The following MYLK4 variants were observed in gnomAD, a reference collection of about 807,000 sequenced individuals.
The protein encoded by MYLK4 is myosin light chain kinase family member 4, also known as caMLCK like.
A neutral mutation model predicts 48.1 loss-of-function variants in MYLK4; 46 were observed. The observed-to-expected ratio is 0.96, with a 90% CI of 0.75 to 1.22. The LOEUF (loss-of-function observed/expected upper bound fraction) is 1.22. Ranked by LOEUF, MYLK4 falls within the 50% of genes most tolerant of loss-of-function variation. The pLI, the probability that MYLK4 is intolerant of heterozygous loss-of-function variation, is 0.00. For missense variants in MYLK4, 451 were observed against 486.1 expected (o/e 0.93, Z 0.68); for synonymous variants, 170 against 180.8 (o/e 0.94, Z 0.48).
intron 7 of MYLK4, chr6:2,680,558 G>A (rs1761257359): frequency 1.0e-6 from 1 of 985,276 alleles, no homozygotes; most frequent in Non-Finnish European, 1.2e-6. Flanking sequence ...AGGCCTTGAG[G>A]GGAGCAAGAA....
the MYLK4 span, chr6:2,765,517 C>G: frequency 7.8e-7 from 1 of 1,281,638 alleles, no homozygotes; most frequent in Non-Finnish European, 9.9e-7. Flanking sequence ...GCTGGTTCCC[C>G]GAGCGAGGGT....
intron 2 of MYLK4, among the ~76,000 whole-genome samples, chr6:2,725,939 G>A (rs1436912904): frequency 1.3e-5 from 2 of 152,140 alleles, no homozygotes; most frequent in South Asian, 2.1e-4. Context: ...TTCATAAGGC[G>A]CTCTAGCACG....
intron 2 of MYLK4, among the ~76,000 whole-genome samples, chr6:2,712,102 A>G (rs1039741173): frequency 2.0e-5 from 3 of 152,198 alleles, no homozygotes; most frequent in Non-Finnish European, 4.4e-5. Flanking sequence ...AAAAAGCACC[A>G]CCATGTTTCC....
chr6:2,746,690 CAA>C (rs1438555250), intron 2 of MYLK4, among the ~76,000 whole-genome samples: 1 of 152,100 alleles, frequency 6.6e-6, no homozygotes, highest in Non-Finnish European at 1.5e-5. Flanking sequence ...CTAATCCCCT[CAA>C]AGAGAGAAGG....
intron 2 of MYLK4, among the ~76,000 whole-genome samples, chr6:2,703,181 G>A (rs2113220699): frequency 6.6e-6 from 1 of 152,260 alleles, no homozygotes; most frequent in Non-Finnish European, 1.5e-5. Flanking sequence ...GTCCAATGCA[G>A]TACACCTTGA....
chr6:2,722,512 A>AGT (rs369339405), intron 2 of MYLK4, among the ~76,000 whole-genome samples: 24,937 of 139,310 alleles, frequency 0.18, 1,947 homozygotes, highest in Admixed American at 0.2. Context: ...ACATAAAAGG[A>AGT]GTGTGTGTGT....
At chr6:2,697,376 G>A (rs7760687) in intron 2 of MYLK4, among the ~76,000 whole-genome samples, 4,204 of 152,268 alleles carry the variant, frequency 0.028, 175 homozygotes, top group African/African-American at 0.095. Context: ...CATCGCTTGC[G>A]TGCCAGTTTT....
At chr6:2,767,281 A>G in the MYLK4 span, among the ~76,000 whole-genome samples, 1 of 152,266 alleles carries the variant, frequency 6.6e-6, no homozygotes, top group Non-Finnish European at 1.5e-5. Context: ...GTGCTTAAAT[A>G]CAGGATGCTT....
upstream of MYLK4, among the ~76,000 whole-genome samples, chr6:2,754,880 T>G (rs1227546005): frequency 6.6e-6 from 1 of 152,208 alleles, no homozygotes. Flanking sequence ...TCTCACGCTT[T>G]TCTTCTCCTG....
At chr6:2,706,834 G>A (rs969888547) in intron 2 of MYLK4, among the ~76,000 whole-genome samples, 5 of 152,184 alleles carry the variant, frequency 3.3e-5, no homozygotes, top group Admixed American at 2.0e-4. Flanking sequence ...TGCCTACGAC[G>A]AGGTGACAGC....
At chr6:2,711,698 C>A (rs1237535721) in intron 2 of MYLK4, among the ~76,000 whole-genome samples, 2 of 152,084 alleles carry the variant, frequency 1.3e-5, no homozygotes, top group Non-Finnish European at 2.9e-5. Context: ...CTAAGAAGTG[C>A]AAAGATGTTT....
upstream of MYLK4, among the ~76,000 whole-genome samples, chr6:2,753,723 A>C (rs569310605): frequency 2.0e-5 from 3 of 152,356 alleles, no homozygotes; most frequent in South Asian, 6.2e-4. Context: ...AAAGATTAAA[A>C]CAGACCTCAC....
chr6:2,723,491 CA>C (rs1377288937), intron 2 of MYLK4, among the ~76,000 whole-genome samples: 1 of 152,196 alleles, frequency 6.6e-6, no homozygotes, highest in African/African-American at 2.4e-5. Context: ...AAAGATCTCT[CA>C]AAAAAACTGC....
chr6:2,767,975 C>G, the MYLK4 span, among the ~76,000 whole-genome samples: 22 of 152,316 alleles, frequency 1.4e-4, no homozygotes, highest in African/African-American at 5.3e-4. Flanking sequence ...AGATTTGTCA[C>G]AGTCATTAAA....
At chr6:2,704,336 C>G (rs17278136) in intron 2 of MYLK4, among the ~76,000 whole-genome samples, 28,397 of 152,188 alleles carry the variant, frequency 0.19, 2,823 homozygotes, top group African/African-American at 0.24. Flanking sequence ...GTCCCACGTC[C>G]ATGCAGCGCA....
chr6:2,749,002 A>G (rs111832556), intron 2 of MYLK4, 134 bp downstream of exon 2: 256 of 772,978 alleles, frequency 3.3e-4, no homozygotes, highest in African/African-American at 3.2e-3. Flanking sequence ...GACACACACA[A>G]TTCTCACTGA....
chr6:2,674,152 T>A (rs1412999176), intron 11 of MYLK4, among the ~76,000 whole-genome samples: 1 of 152,202 alleles, frequency 6.6e-6, no homozygotes, highest in Non-Finnish European at 1.5e-5. Flanking sequence ...AATATAAACA[T>A]CTGGTAATTA....
At chr6:2,693,860 C>T (rs192949208) in intron 2 of MYLK4, among the ~76,000 whole-genome samples, 30 of 150,922 alleles carry the variant, frequency 2.0e-4, no homozygotes, top group African/African-American at 7.1e-4. Flanking sequence ...CGGGTTCAGG[C>T]GATTCTCCTG....
At chr6:2,680,059 C>G (rs534437859) in intron 8 of MYLK4, among the ~76,000 whole-genome samples, 162 bp downstream of exon 8, 1 of 152,118 alleles carries the variant, frequency 6.6e-6, no homozygotes, top group Non-Finnish European at 1.5e-5. Context: ...TCTAAACACT[C>G]AAGTCTCAAA....
Sources: gnomAD v4.1 joint callset for allele counts (sites outside exome capture counted in the v4.1 genomes callset) on GRCh38, gnomAD v4.1.1 for gene constraint, MANE v1.5 for transcripts, NCBI Gene and HGNC (gene_info 2026-07-23, HGNC 2026-07-21) for gene names.